EXOSC9: variants seen among roughly 807,000 people sequenced by gnomAD.
EXOSC9 encodes exosome complex component RRP45.
EXOSC9 carries 38 observed loss-of-function variants against 56.5 expected under a neutral mutation model. The ratio of observed to expected loss-of-function variants is 0.67; its 90% CI spans 0.52 to 0.88. The LOEUF (loss-of-function observed/expected upper bound fraction) is 0.88, where lower values mean the gene tolerates loss of function less well. Among genes scored for constraint, EXOSC9 ranks in the 40% least tolerant of loss-of-function variants. The pLI, the probability that EXOSC9 is intolerant of heterozygous loss-of-function variation, is 0.00. For missense variants in EXOSC9, 559 were observed against 530.5 expected (o/e 1.05, Z -0.53); for synonymous variants, 170 against 170.8 (o/e 0.99, Z 0.04).
chr4:121,809,162 T>G (rs965712316), intron 6 of EXOSC9, among the ~76,000 whole-genome samples: 1 of 151,636 alleles, frequency 6.6e-6, no homozygotes, highest in African/African-American at 2.4e-5. Flanking sequence ...TAAAAAAATT[T>G]TTTTTGTAGA....
chr4:121,803,611 G>A (rs1462138738), intron 4 of EXOSC9, among the ~76,000 whole-genome samples: 1 of 152,160 alleles, frequency 6.6e-6, no homozygotes, highest in Admixed American at 6.5e-5. Context: ...TGCAATCTCA[G>A]CTCACTGCAA....
chr4:121,811,927 A>G (rs1476581232), intron 8 of EXOSC9, among the ~76,000 whole-genome samples: 1 of 152,172 alleles, frequency 6.6e-6, no homozygotes, highest in African/African-American at 2.4e-5. Flanking sequence ...TAAAAGTATT[A>G]ATGAAACTGG....
At chr4:121,807,705 TAAAC>T (rs1430444100) in intron 6 of EXOSC9, 83 bp downstream of exon 6, 2 of 845,702 alleles carry the variant, frequency 2.4e-6, no homozygotes, top group African/African-American at 3.3e-5. Context: ...ATGTTAATAT[TAAAC>T]AAACACTTCC....
At chr4:121,816,569 A>G in intron 11 of EXOSC9, 122 bp downstream of exon 11, 3 of 808,708 alleles carry the variant, frequency 3.7e-6, no homozygotes, top group Non-Finnish European at 5.7e-6. Flanking sequence ...CTTTTTCATT[A>G]GAGATCCATC....
chr4:121,813,851 TCTTAA>T lies in EXOSC9; in HGVS notation c.975-11_975-7del, dbSNP rs1724357477. ...TAGCAATATTTTTGTTACTCAGTTT[TCTTAA>T]CTTGTTAAGTGTTTCTACACCTGTG... is the stretch of plus-strand genomic sequence containing the variant. On this transcript the variant is annotated splice_polypyrimidine_tract_variant and intron_variant, in intron 9 of 11. Transcript: ENST00000243498. The T allele has an allele frequency of 1.3e-6, 2 of 1,579,664 alleles. No homozygotes were observed. The highest frequency in any genetic ancestry group is 1.4e-5 in the African/African-American group (1 of 73,648).
intron 5 of EXOSC9, 119 bp downstream of exon 5, chr4:121,804,878 A>G: frequency 1.3e-6 from 1 of 789,382 alleles, no homozygotes; most frequent in Non-Finnish European, 1.9e-6. Context: ...GTTTCTAAAA[A>G]TTTGTTTGTA....
At position 121,815,893 on chromosome 4, in the gene EXOSC9, A is replaced by G. The variant is rs111720783; in HGVS notation, c.1157-476A>G. ...AGCACCTGTAGGAAATAAGAGTTTA[A>G]AGAAACAAATGTTACAGATGAGTTC... On this transcript the variant is annotated intron_variant, in intron 10 of 11. Coordinates refer to ENST00000243498, the MANE Select transcript of EXOSC9 (RefSeq NM_005033.3). 1,720 of 1,174,970 alleles carry G rather than the reference A, an allele frequency of 1.5e-3. 21 individuals carry two copies. In the African/African-American group the frequency reaches 0.025, roughly 17 times the overall value. The allele number at this position is 1,174,970 out of a possible 1,614,324, so 72.8% of individuals were successfully genotyped here. A position where few individuals can be genotyped will look rare whatever the true frequency, so the allele number is the denominator to read the frequency against.
intron 10 of EXOSC9, chr4:121,815,748 T>C: frequency 1.0e-6 from 1 of 991,322 alleles, no homozygotes; most frequent in Non-Finnish European, 1.2e-6. Context: ...GAATGTAAAC[T>C]GGAACTATTT....
intron 4 of EXOSC9, among the ~76,000 whole-genome samples, chr4:121,803,496 C>T (rs1726929611): frequency 2.6e-5 from 4 of 152,086 alleles, no homozygotes; most frequent in Admixed American, 2.6e-4. Flanking sequence ...ATCTTAGTCC[C>T]AATAAATTGT....
rs765363496 is a variant in EXOSC9 at position 121,804,674 on chromosome 4, T to C, written c.437T>C (p.Ile146Thr). 8.1e-6 allele frequency: 13 copies of C among 1,607,962 alleles called. No individual in the cohort carries two copies. In the Admixed American group the frequency reaches 1.5e-4, roughly 19 times the overall value. ...LHLLNHDGNI[I>T]DAASIAAIVA... ...TTATTAAATCATGATGGAAATATTA[T>C]TGATGCTGCCAGCATTGCTGCAATC... is the stretch of plus-strand genomic sequence containing the variant. The change falls in exon 5 of 12, where the codon ATT becomes ACT. Residue 146 changes from isoleucine (I) to threonine (T), a missense_variant. Transcript: ENST00000243498.
intron 5 of EXOSC9, among the ~76,000 whole-genome samples, chr4:121,806,824 A>G (rs951142632): frequency 3.3e-5 from 5 of 152,200 alleles, no homozygotes; most frequent in African/African-American, 1.2e-4. Flanking sequence ...GAAATAAGAT[A>G]GATCAGTGAT....
chr4:121,813,966 G>A lies in EXOSC9; in HGVS notation c.1075G>A (p.Glu359Lys). 2 of 1,613,762 alleles carry A rather than the reference G, an allele frequency of 1.2e-6. No homozygotes were observed. Among genetic ancestry groups the A allele is most frequent in the Non-Finnish European group, 1.7e-6 (2 of 1,179,734 alleles). ...TGAAGACTCTGAGAAGGAAGATGAT[G>A]AAGGCGGTGGTGATCAAGCTATCAT... ...DLEDSEKEDDEGGGDQAIILD... is the reference protein window; with the variant it reads ...DLEDSEKEDDKGGGDQAIILD... Residue 359 changes from glutamate to lysine, a missense_variant, in exon 10 of 12, where the codon GAA becomes AAA. By Grantham distance (56) the Glu-to-Lys change is moderately conservative. Coordinates refer to ENST00000243498, the MANE Select transcript of EXOSC9 (RefSeq NM_005033.3).
intron 2 of EXOSC9, 29 bp downstream of exon 2, chr4:121,801,950 C>G (rs773780241): frequency 1.3e-6 from 2 of 1,506,408 alleles, no homozygotes; most frequent in Non-Finnish European, 9.2e-7. Context: ...GATACACATT[C>G]GGAAGGGAGA....
chr4:121,814,086 T>C, intron 10 of EXOSC9, 39 bp downstream of exon 10: 1 of 1,236,184 alleles, frequency 8.1e-7, no homozygotes, highest in African/African-American at 1.5e-5. Context: ...ATATATTACA[T>C]ACATATAGTA....
At chr4:121,813,022 T>C (rs1724298186) in intron 8 of EXOSC9, among the ~76,000 whole-genome samples, 1 of 152,190 alleles carries the variant, frequency 6.6e-6, no homozygotes, top group South Asian at 2.1e-4. Flanking sequence ...ACCTAGCACA[T>C]GGTCTGGCAC....
At chr4:121,802,109 G>A (rs921186443) in intron 2 of EXOSC9, among the ~76,000 whole-genome samples, 188 bp downstream of exon 2, 2 of 152,140 alleles carry the variant, frequency 1.3e-5, no homozygotes, top group Admixed American at 1.3e-4. Context: ...AATCATAAAC[G>A]TATTTTCTGT....
intron 4 of EXOSC9, 58 bp from the exon 5 acceptor site, chr4:121,804,564 T>C: frequency 8.8e-7 from 1 of 1,140,178 alleles, no homozygotes; most frequent in South Asian, 1.7e-5. Context: ...CTTTTCCTGA[T>C]AAATAGCCAC....
At chr4:121,811,191 A>C (rs1201150721) in intron 7 of EXOSC9, among the ~76,000 whole-genome samples, 1 of 152,086 alleles carries the variant, frequency 6.6e-6, no homozygotes, top group Non-Finnish European at 1.5e-5. Context: ...TATATTGCAC[A>C]GTGTCTAGCA....
intron 5 of EXOSC9, among the ~76,000 whole-genome samples, chr4:121,806,481 T>C (rs1204508197): frequency 2.0e-5 from 3 of 149,064 alleles, no homozygotes; most frequent in Admixed American, 2.0e-4. Flanking sequence ...TGGCTTAAAA[T>C]TAGAAAAAAA....
Sources: gnomAD v4.1 joint callset for allele counts (sites outside exome capture counted in the v4.1 genomes callset) on GRCh38, gnomAD v4.1.1 for gene constraint, MANE v1.5 for transcripts, NCBI Gene and HGNC (gene_info 2026-07-23, HGNC 2026-07-21) for gene names.